The following CTNNBIP1 variants were observed in gnomAD, a reference collection of about 807,000 sequenced individuals.
CTNNBIP1 encodes beta-catenin-interacting protein 1.
Under a neutral mutation model 11.8 loss-of-function variants are expected in CTNNBIP1, and 7 were observed. That is an observed-to-expected ratio of 0.60 (90% CI 0.34 to 1.12). The LOEUF (loss-of-function observed/expected upper bound fraction) is 1.12, where lower values mean the gene tolerates loss of function less well. Ranked by LOEUF, CTNNBIP1 falls within the 50% of genes most tolerant of loss-of-function variation. The pLI, the probability that CTNNBIP1 is intolerant of heterozygous loss-of-function variation, is 0.03. For synonymous variants in CTNNBIP1, 58 were observed against 43.9 expected, an observed-to-expected ratio of 1.32 and a Z score of -1.26; for missense variants, 101 against 113.4, an observed-to-expected ratio of 0.89 and a Z score of 0.50.
chr1:9,899,589 T>C (rs1259253363), intron 1 of CTNNBIP1, among the ~76,000 whole-genome samples: 1 of 145,902 alleles, frequency 6.9e-6, no homozygotes, highest in African/African-American at 2.5e-5. Flanking sequence ...TGAAACCCCA[T>C]CTCTACTAAA....
intron 5 of CTNNBIP1, among the ~76,000 whole-genome samples, chr1:9,868,230 C>T (rs534576661): frequency 3.3e-5 from 5 of 152,296 alleles, no homozygotes; most frequent in South Asian, 2.1e-4. Context: ...CCACCTATTC[C>T]GCAACGATTC....
In CTNNBIP1 at chr1:9,872,445, G is replaced by A. The variant is rs1365722822; in HGVS notation, c.-24-357C>T. On this transcript the variant is annotated intron_variant, in intron 3 of 5. Coordinates refer to ENST00000377263, the MANE Select transcript of CTNNBIP1 (RefSeq NM_020248.3). This position sits in a 1 kb window ranked among gnomAD's most constrained non-coding sequence, Gnocchi z 4.0. ...TGCTACAAGCCACAGGACACGTGGTGCATGAAGCCCCAAATGTCCCAGGTT... is the reference window on the plus strand; with the variant it reads ...TGCTACAAGCCACAGGACACGTGGTACATGAAGCCCCAAATGTCCCAGGTT... Among the ~76,000 whole-genome samples the A allele has an allele frequency of 6.6e-6, 1 of 152,256 alleles. No homozygotes were observed. The highest frequency in any genetic ancestry group is 2.4e-5 in the African/African-American group (1 of 41,470).
At chr1:9,891,869 T>C (rs886072825) in intron 1 of CTNNBIP1, among the ~76,000 whole-genome samples, 1 of 143,732 alleles carries the variant, frequency 7.0e-6, no homozygotes, top group Admixed American at 7.5e-5. Flanking sequence ...TGGCGCAATC[T>C]CGTTTCACTG....
chr1:9,863,525 C>T (rs1221123064), intron 5 of CTNNBIP1, among the ~76,000 whole-genome samples: 1 of 152,204 alleles, frequency 6.6e-6, no homozygotes, highest in Non-Finnish European at 1.5e-5. Context: ...GGGGCCCAGC[C>T]GGCTGCCCCC....
At chr1:9,875,088 C>G (rs1638938446) in intron 3 of CTNNBIP1, among the ~76,000 whole-genome samples, 1 of 152,202 alleles carries the variant, frequency 6.6e-6, no homozygotes, top group African/African-American at 2.4e-5. Context: ...GCTTCCTCCC[C>G]ACCCCCAGCA....
In CTNNBIP1 at chr1:9,883,739, C is replaced by T. The variant is rs1380306518; in HGVS notation, c.-143-1G>A. The T allele has an allele frequency of 6.5e-6, 1 of 153,572 alleles. No homozygotes were observed. The highest frequency in any genetic ancestry group is 2.1e-4 in the South Asian group (1 of 4,834). 9.5% of individuals were successfully genotyped at this position (153,572 alleles called of 1,614,324 possible). ...TCACCGTTGTCAAGTCTGTCGGTCC[C>T]TGCAAGAGGGAGAAGAGGGGCAGAA... On this transcript the variant is annotated splice_acceptor_variant, in intron 1 of 5. Transcript: ENST00000377263. LOFTEE classifies it low-confidence loss of function (5UTR_SPLICE). The surrounding 1 kb of genome is among the most constrained non-coding windows in gnomAD (Gnocchi z 5.6).
At chr1:9,869,553 G>A (rs1242183511) in intron 5 of CTNNBIP1, among the ~76,000 whole-genome samples, 1 of 152,142 alleles carries the variant, frequency 6.6e-6, no homozygotes, top group East Asian at 1.9e-4. Flanking sequence ...TAGAACTCCT[G>A]ACCTCAGGTG....
rs570684115 is a variant in CTNNBIP1 at position 9,865,366 on chromosome 1, C to T, written c.187+5821G>A. ...CTGTAATCCCAGCACTTTGGGGGGCCGAAGCAGGTGGATCACGAGGTCAGG... is the reference window on the plus strand; with the variant it reads ...CTGTAATCCCAGCACTTTGGGGGGCTGAAGCAGGTGGATCACGAGGTCAGG... On this transcript the variant is annotated intron_variant, in intron 5 of 5. Coordinates refer to ENST00000377263, the MANE Select transcript of CTNNBIP1 (RefSeq NM_020248.3). 4.0e-3 allele frequency among the ~76,000 whole-genome samples: 612 copies of T among 152,056 alleles called. 2 individuals carry two copies. Among genetic ancestry groups the T allele is most frequent in the Non-Finnish European group, 7.2e-3 (492 of 67,992 alleles).
intron 1 of CTNNBIP1, among the ~76,000 whole-genome samples, chr1:9,893,908 G>A (rs539172087): frequency 6.6e-6 from 1 of 152,220 alleles, no homozygotes; most frequent in African/African-American, 2.4e-5. Flanking sequence ...ACCCAAAAAA[G>A]AAGTTCCTAA....
At position 9,849,669 on chromosome 1, in the gene CTNNBIP1, G is replaced by A. The variant is rs1324536753; in HGVS notation, c.*1049C>T. 6.6e-6 allele frequency: 1 copy of A among 152,388 alleles called. No individual in the cohort carries two copies. Among genetic ancestry groups the A allele is most frequent in the African/African-American group, 2.4e-5 (1 of 41,462 alleles). 9.4% of individuals were successfully genotyped at this position (152,388 alleles called of 1,614,324 possible). ...AGATGACCCCCAAAATGAGGCCTCA[G>A]GAAGTGGTACACAGAAGGATGGCCA... is the stretch of plus-strand genomic sequence containing the variant. On this transcript the variant is annotated 3_prime_UTR_variant, in exon 6 of 6. Coordinates refer to ENST00000377263, the MANE Select transcript of CTNNBIP1 (RefSeq NM_020248.3).
At position 9,871,071 on chromosome 1, in the gene CTNNBIP1, C is replaced by G; in HGVS notation, c.187+116G>C. 1.3e-6 allele frequency: 1 copy of G among 762,470 alleles called. No homozygotes were observed. Among genetic ancestry groups the G allele is most frequent in the Non-Finnish European group, 2.1e-6 (1 of 471,400 alleles). The allele number at this position is 762,470 out of a possible 1,614,324, so 47.2% of individuals were successfully genotyped here. On this transcript the variant is annotated intron_variant, in intron 5 of 5. Transcript: ENST00000377263. The surrounding 1 kb of genome is among the most constrained non-coding windows in gnomAD (Gnocchi z 5.2). ...AGAGCTGTAGCCCCTCCTAGTCAGCCCTGGGTCTCATGGATCACCCATCAA... is the reference window on the plus strand; with the variant it reads ...AGAGCTGTAGCCCCTCCTAGTCAGCGCTGGGTCTCATGGATCACCCATCAA...
chr1:9,855,255 CTT>C (rs35112494), intron 5 of CTNNBIP1, among the ~76,000 whole-genome samples: 6 of 127,390 alleles, frequency 4.7e-5, no homozygotes, highest in Non-Finnish European at 4.9e-5. Context: ...TAAAAATTGC[CTT>C]TTTTTTTTTT....
chr1:9,895,281 C>T (rs1029870485), intron 1 of CTNNBIP1, among the ~76,000 whole-genome samples: 1 of 151,918 alleles, frequency 6.6e-6, no homozygotes, highest in African/African-American at 2.4e-5. Flanking sequence ...TCACTGCAAC[C>T]TCCGCCTCCT....
intron 1 of CTNNBIP1, among the ~76,000 whole-genome samples, chr1:9,892,623 A>T (rs1290026649): frequency 6.6e-6 from 1 of 151,824 alleles, no homozygotes; most frequent in African/African-American, 2.4e-5. Flanking sequence ...TTTTAAGGCC[A>T]CTGCCTCTTT....
chr1:9,856,009 G>A (rs981940450), intron 5 of CTNNBIP1, among the ~76,000 whole-genome samples: 7 of 152,020 alleles, frequency 4.6e-5, no homozygotes, highest in Admixed American at 3.3e-4. Flanking sequence ...TTAGCTGGGC[G>A]TGGTGGCACA....
rs569521626 is a variant in CTNNBIP1 at position 9,904,470 on chromosome 1, G to A, written c.-144+5625C>T. 2.0e-3 allele frequency among the ~76,000 whole-genome samples: 308 copies of A among 152,198 alleles called. 3 individuals carry two copies. The highest frequency in any genetic ancestry group is 2.6e-3 in the Non-Finnish European group (175 of 68,026). ...GCGCTCTGCTGAGTTACCCAACTCCGCTCAGCCCAGATGAAAGACAACCAA... is the reference window on the plus strand; with the variant it reads ...GCGCTCTGCTGAGTTACCCAACTCCACTCAGCCCAGATGAAAGACAACCAA... On this transcript the variant is annotated intron_variant, in intron 1 of 5. Coordinates refer to ENST00000377263, the MANE Select transcript of CTNNBIP1 (RefSeq NM_020248.3).
chr1:9,892,660 G>T (rs1017517236), intron 1 of CTNNBIP1, among the ~76,000 whole-genome samples: 3 of 152,082 alleles, frequency 2.0e-5, no homozygotes, highest in African/African-American at 7.2e-5. Flanking sequence ...ATAAAGGTAT[G>T]TGTTAATTTG....
intron 1 of CTNNBIP1, among the ~76,000 whole-genome samples, chr1:9,902,353 T>G (rs1639538269): frequency 6.6e-6 from 1 of 152,046 alleles, no homozygotes; most frequent in African/African-American, 2.4e-5. Context: ...AAGCAAAAAC[T>G]TTGAAAAGAA....
At position 9,850,536 on chromosome 1, in the gene CTNNBIP1, C is replaced by T; in HGVS notation, c.*182G>A. On this transcript the variant is annotated 3_prime_UTR_variant, in exon 6 of 6. Coordinates refer to ENST00000377263, the MANE Select transcript of CTNNBIP1 (RefSeq NM_020248.3). ...TCCCTTTAAGCCAATTATAAACGCA[C>T]CACTGGTGTCTCCCTTGATGCCAGC... 1 of 614,568 alleles carries T rather than the reference C, an allele frequency of 1.6e-6. No individual in the cohort carries two copies. The highest frequency in any genetic ancestry group is 1.8e-5 in the African/African-American group (1 of 54,642). The allele number at this position is 614,568 out of a possible 1,614,324, so 38.1% of individuals were successfully genotyped here.
Sources: gnomAD v4.1 joint callset for allele counts (sites outside exome capture counted in the v4.1 genomes callset) on GRCh38, gnomAD v4.1.1 for gene constraint, Gnocchi (gnomAD v3.1) non-coding constraint, MANE v1.5 for transcripts, NCBI Gene and HGNC (gene_info 2026-07-23, HGNC 2026-07-21) for gene names.